The following MEAK7 variants were observed in gnomAD, a reference collection of about 807,000 sequenced individuals.
MEAK7 encodes MTOR-associated protein MEAK7.
MEAK7 carries 68 observed loss-of-function variants against 40.5 expected under a neutral mutation model. That is an observed-to-expected ratio of 1.68 (90% confidence interval 1.38 to 2.06). The LOEUF (loss-of-function observed/expected upper bound fraction) is 2.06. MEAK7 is among the 30% of genes most tolerant of loss of function. MEAK7 has a pLI of 0.00. For missense variants in MEAK7, 918 were observed against 580.5 expected (o/e 1.58, Z -5.98); for synonymous variants, 338 against 231.9 (o/e 1.46, Z -4.16).
chr16:84,493,519 AAC>A (rs1274877458), intron 3 of MEAK7, among the ~76,000 whole-genome samples: 1 of 152,226 alleles, frequency 6.6e-6, no homozygotes, highest in Non-Finnish European at 1.5e-5. Context: ...TTTTGTTTAC[AAC>A]ATTAGCTGTT....
rs536693151 is a variant in MEAK7 at position 84,479,530 on chromosome 16, C to T, written c.*383G>A. The T allele has an allele frequency of 6.6e-6, 1 of 152,350 alleles. No individual in the cohort carries two copies. Among genetic ancestry groups the T allele is most frequent in the African/African-American group, 2.6e-5 (1 of 39,012 alleles). 9.4% of individuals were successfully genotyped at this position (152,350 alleles called of 1,614,324 possible). A position where few individuals can be genotyped will look rare whatever the true frequency, so the allele number is the denominator to read the frequency against. ...CTAATGCCAGCGGAATTCCCTAATG[C>T]CAGCGGAATTCCCTAATGCCAGCGG... On this transcript the variant is annotated 3_prime_UTR_variant, in exon 8 of 8. Coordinates refer to ENST00000343629, the MANE Select transcript of MEAK7 (RefSeq NM_020947.4).
chr16:84,497,473 C>T (rs1009473591), intron 2 of MEAK7: 1 of 1,289,998 alleles, frequency 7.8e-7, no homozygotes, highest in Admixed American at 2.3e-5. Context: ...ACCGACGAGT[C>T]CAGGAGGGCA....
chr16:84,501,709 G>C (rs528360367), intron 1 of MEAK7, among the ~76,000 whole-genome samples: 177 of 152,234 alleles, frequency 1.2e-3, no homozygotes, highest in African/African-American at 3.1e-3. Flanking sequence ...GTGCCAGTGA[G>C]GTGGGAAGGT....
intron 3 of MEAK7, 162 bp downstream of exon 3, chr16:84,495,521 G>A (rs1055868341): frequency 1.5e-6 from 1 of 660,968 alleles, no homozygotes. Context: ...CTCTCTCCCA[G>A]ACATGCCCTT....
Position 84,477,284 on chromosome 16 carries a change from C to G in MEAK7, c.*2629G>C, listed in dbSNP as rs1597910206. 3 of 152,534 alleles carry G rather than the reference C, an allele frequency of 2.0e-5. No homozygotes were observed. The highest frequency in any genetic ancestry group is 7.2e-5 in the African/African-American group (3 of 41,544). 9.4% of individuals were successfully genotyped at this position (152,534 alleles called of 1,614,324 possible). ...TCGGCTCACCACAACCTCTGCCTCC[C>G]TGGTTCAAGCAATTCTACTACCTCA... On this transcript the variant is annotated 3_prime_UTR_variant, in exon 8 of 8. Transcript: ENST00000343629.
chr16:84,490,774 C>G (rs531650159), intron 3 of MEAK7, among the ~76,000 whole-genome samples: 2 of 150,792 alleles, frequency 1.3e-5, no homozygotes, highest in African/African-American at 2.4e-5. Flanking sequence ...CCTTCTCAAT[C>G]AACTGAATTT....
intron 1 of MEAK7, among the ~76,000 whole-genome samples, chr16:84,501,522 C>T (rs994934430): frequency 6.6e-6 from 1 of 152,186 alleles, no homozygotes; most frequent in Non-Finnish European, 1.5e-5. Context: ...AGGTGCAGGG[C>T]TGGGCAAGTG....
In MEAK7 at chr16:84,480,009, G is replaced by A. The variant is rs1446412880; in HGVS notation, c.1275C>T (p.Ser425=). 2 of 1,604,496 alleles carry A rather than the reference G, an allele frequency of 1.2e-6. No homozygotes were observed. The highest frequency in any genetic ancestry group is 1.7e-6 in the Non-Finnish European group (2 of 1,173,654). Residue 425 remains serine (S), a synonymous_variant, in exon 8 of 8, where the codon AGC becomes AGT. Coordinates refer to ENST00000343629, the MANE Select transcript of MEAK7 (RefSeq NM_020947.4). ...GGGCCTCAGGGTCCGCATCCAGGAT[G>A]CTCTTGTTGCCCTTGGCCTTGAGAA... is the stretch of plus-strand genomic sequence containing the variant. ...SEEQLAKGNK[S]ILDADPEAQA...
Position 84,482,621 on chromosome 16 carries a change from G to A in MEAK7, c.1048C>T (p.His350Tyr), listed in dbSNP as rs201017562. ...GYNDHYMYLN[H>Y]GQQTIPNGLG... The stretch of plus-strand genomic sequence containing the variant: ...CCGTTCGGGATCGTCTGCTGTCCAT[G>A]GTTCAAGTACATGTAGTGGTCGTTG... The change falls in exon 6 of 8, where the codon CAT becomes TAT. Residue 350 changes from histidine (H) to tyrosine (Y), a missense_variant. By Grantham distance (83) the His-to-Tyr change is moderately conservative. Coordinates refer to ENST00000343629, the MANE Select transcript of MEAK7 (RefSeq NM_020947.4). 316 of 1,614,122 alleles carry A rather than the reference G, an allele frequency of 2.0e-4. 1 individual carries two copies. The highest frequency in any genetic ancestry group is 4.5e-5 in the Non-Finnish European group (53 of 1,180,052).
intron 4 of MEAK7, among the ~76,000 whole-genome samples, chr16:84,488,771 T>G (rs1364553002): frequency 6.6e-6 from 1 of 152,058 alleles, no homozygotes; most frequent in Non-Finnish European, 1.5e-5. Flanking sequence ...CTATCAAAAC[T>G]TATGGCATGC....
intron 2 of MEAK7, chr16:84,497,169 C>G (rs988635754): frequency 3.3e-6 from 1 of 305,506 alleles, no homozygotes; most frequent in African/African-American, 2.2e-5. Flanking sequence ...TGCTCCCATG[C>G]TGCACATTCT....
chr16:84,480,710 T>G lies in MEAK7; in HGVS notation c.1078-2A>C. 6.2e-7 allele frequency: 1 copy of G among 1,608,178 alleles called. No individual in the cohort carries two copies. The highest frequency in any genetic ancestry group is 8.5e-7 in the Non-Finnish European group (1 of 1,177,094). Reference sequence around the variant, plus strand: ...GTAATTGTGCTGCCCCCCCATACCCTGCAAAGGAAGCCAGGACAGAGAATA... The same window carrying G: ...GTAATTGTGCTGCCCCCCCATACCCGGCAAAGGAAGCCAGGACAGAGAATA... On this transcript the variant is annotated splice_acceptor_variant, in intron 6 of 7. Coordinates refer to ENST00000343629, the MANE Select transcript of MEAK7 (RefSeq NM_020947.4). LOFTEE classifies it high-confidence loss of function.
rs753099691 is a variant in MEAK7 at position 84,482,654 on chromosome 16, T to TGTGTGTG, written c.1008_1014dup (p.Thr339HisfsTer39). The TGTGTGTG allele has an allele frequency of 6.2e-7, 1 of 1,614,042 alleles. No homozygotes were observed. The highest frequency in any genetic ancestry group is 1.1e-5 in the South Asian group (1 of 91,082). On this transcript the variant is annotated frameshift_variant, in exon 6 of 8. Transcript: ENST00000343629. LOFTEE classifies it high-confidence loss of function. ...TACATGTAGTGGTCGTTGTAGCCCG[T>TGTGTGTG]GTGTGTGTACACAGCCATGCTGGGG...
rs767319333 is a variant in MEAK7 at position 84,497,951 on chromosome 16, A to G, written c.136T>C (p.Ser46Pro). Reference protein sequence around the residue: ...NSPNVSSKSFSLKALQNHVGE... With the variant: ...NSPNVSSKSFPLKALQNHVGE... ...ACTCTTGCCTGTAGTGCCTTCAGAG[A>G]GAAGGATTTGGATGAGACATTCGGG... The change falls in exon 2 of 8, where the codon TCT (serine) becomes CCT (proline). Residue 46 changes from serine to proline, a missense_variant. Ser to Pro is a moderately conservative substitution (Grantham distance 74). Transcript: ENST00000343629. 2.8e-5 allele frequency: 45 copies of G among 1,614,084 alleles called. No individual in the cohort carries two copies. The highest frequency in any genetic ancestry group is 3.6e-5 in the Non-Finnish European group (43 of 1,180,048).
intron 2 of MEAK7, among the ~76,000 whole-genome samples, chr16:84,496,264 G>C (rs774898861): frequency 1.3e-5 from 2 of 152,296 alleles, no homozygotes; most frequent in African/African-American, 4.8e-5. Context: ...TAGGGTGGGA[G>C]GGCCAGCTTT....
chr16:84,483,157 G>A (rs1912728543), intron 5 of MEAK7, among the ~76,000 whole-genome samples: 1 of 152,234 alleles, frequency 6.6e-6, no homozygotes, highest in Non-Finnish European at 1.5e-5. Flanking sequence ...AACGTACCAT[G>A]CAGAGAGAGA....
chr16:84,486,928 G>A lies in MEAK7; in HGVS notation c.661C>T (p.Leu221=), dbSNP rs1597937188. Residue 221 remains leucine, a synonymous_variant, in exon 5 of 8, where the codon CTG becomes TTG. Transcript: ENST00000343629. Reference sequence around the variant, plus strand: ...GTAGTCAGATCAAGAGACGAGCACAGGATGAGAAAGCCCTTGCAAATGACC... The same window carrying A: ...GTAGTCAGATCAAGAGACGAGCACAAGATGAGAAAGCCCTTGCAAATGACC... ...SVVICKGFLI[L]CSSLDLTTLV... 5 of 1,614,194 alleles carry A rather than the reference G, an allele frequency of 3.1e-6. No homozygotes were observed. Among genetic ancestry groups the A allele is most frequent in the Non-Finnish European group, 4.2e-6 (5 of 1,180,030 alleles).
intron 3 of MEAK7, 54 bp downstream of exon 3, chr16:84,495,629 C>T (rs997245070): frequency 3.2e-6 from 5 of 1,567,204 alleles, no homozygotes; most frequent in Admixed American, 3.4e-5. Context: ...ATCCCCCCAC[C>T]GATGGTCACC....
intron 1 of MEAK7, chr16:84,504,124 G>T: frequency 1.0e-6 from 1 of 985,502 alleles, no homozygotes; most frequent in African/African-American, 1.7e-5. Flanking sequence ...TACATGGCCT[G>T]GGAACAGTTA....
Sources: gnomAD v4.1 joint callset for allele counts (sites outside exome capture counted in the v4.1 genomes callset) on GRCh38, gnomAD v4.1.1 for gene constraint, MANE v1.5 for transcripts, NCBI Gene and HGNC (gene_info 2026-07-23, HGNC 2026-07-21) for gene names.